Variants in KIF3A observed in about 807,000 individuals in gnomAD.
KIF3A encodes kinesin family member 3A.
KIF3A carries 27 observed loss-of-function variants against 92.6 expected under a neutral mutation model. That is an observed-to-expected ratio of 0.29 (90% CI 0.21 to 0.40). The LOEUF is 0.40. Ranked by LOEUF, KIF3A falls within the 10% of genes least tolerant of loss-of-function variation. The pLI, the probability that KIF3A is intolerant of heterozygous loss-of-function variation, is 1.00. For synonymous variants in KIF3A, 250 were observed against 275.4 expected, an observed-to-expected ratio of 0.91 and a Z score of 0.92; for missense variants, 581 against 872.6, an observed-to-expected ratio of 0.67 and a Z score of 4.21.
chr5:132,705,804 T>G (rs1249600011), intron 11 of KIF3A, among the ~76,000 whole-genome samples: 1 of 152,090 alleles, frequency 6.6e-6, no homozygotes, highest in Non-Finnish European at 1.5e-5. Flanking sequence ...GTGCTAACTC[T>G]CCTAACCAGG....
At chr5:132,736,494 C>T (rs114945731) in intron 1 of KIF3A, among the ~76,000 whole-genome samples, 2,630 of 152,282 alleles carry the variant, frequency 0.017, 77 homozygotes, top group African/African-American at 0.06. Context: ...GAAGGCAAGC[C>T]TCTCTCTTTC....
chr5:132,710,508 C>T (rs1374446101), intron 9 of KIF3A, among the ~76,000 whole-genome samples: 1 of 152,102 alleles, frequency 6.6e-6, no homozygotes, highest in Non-Finnish European at 1.5e-5. Context: ...CCCAGCTACT[C>T]GGGAGGCTGA....
chr5:132,699,660 G>A (rs1366409836), intron 17 of KIF3A: 5 of 405,692 alleles, frequency 1.2e-5, no homozygotes, highest in African/African-American at 6.4e-5. Context: ...CTGGGTTCAC[G>A]CCATTCTCCT....
chr5:132,737,237 C>T (rs1307974296), intron 1 of KIF3A, among the ~76,000 whole-genome samples, 177 bp downstream of exon 1: 1 of 151,992 alleles, frequency 6.6e-6, no homozygotes, highest in Non-Finnish European at 1.5e-5. Context: ...GCCGGCCGGA[C>T]CCCCGCGGCC....
At chr5:132,713,941 G>A (rs1753523892) in intron 8 of KIF3A, among the ~76,000 whole-genome samples, 1 of 125,496 alleles carries the variant, frequency 8.0e-6, no homozygotes, top group Non-Finnish European at 1.6e-5. Flanking sequence ...CTGCCACCCA[G>A]GCTGGAGTGC....
At chr5:132,708,809 T>C (rs1417794504) in intron 10 of KIF3A, 98 bp downstream of exon 10, 19 of 716,936 alleles carry the variant, frequency 2.7e-5, no homozygotes, top group South Asian at 1.9e-4. Flanking sequence ...ATGTATTCTT[T>C]AGGTAATGAC....
chr5:132,703,164 T>G, intron 12 of KIF3A, 99 bp from the exon 13 acceptor site: 1 of 1,029,704 alleles, frequency 9.7e-7, no homozygotes, highest in Non-Finnish European at 1.4e-6. Flanking sequence ...AATTTCAAAA[T>G]AGAAATATAA....
Position 132,724,806 on chromosome 5 carries a change from A to AAAAAAATTATATATATAT in KIF3A, c.510+1321_510+1322insATATATATATAATTTTTT, listed in dbSNP as rs59476182. 1.3e-4 allele frequency among the ~76,000 whole-genome samples: 3 copies of AAAAAAATTATATATATAT among 22,694 alleles called. 1 individual carries two copies. The highest frequency in any genetic ancestry group is 3.4e-3 in the East Asian group (2 of 582). The allele number at this position is 22,694 out of a possible 152,430, so 14.9% of individuals were successfully genotyped here. On this transcript the variant is annotated intron_variant, in intron 4 of 18. Transcript: ENST00000403231. The stretch of plus-strand genomic sequence containing the variant: ...TTAAAGTATAATAAAAAAAAAAAAA[A>AAAAAAATTATATATATAT]ATATATATATATATATATATATATA...
At chr5:132,712,813 G>GA (rs1210129234) in intron 8 of KIF3A, among the ~76,000 whole-genome samples, 1 of 152,194 alleles carries the variant, frequency 6.6e-6, no homozygotes, top group Non-Finnish European at 1.5e-5. Context: ...TCAAGATCAA[G>GA]AAAGACTGGG....
intron 12 of KIF3A, 86 bp downstream of exon 12, chr5:132,703,373 TTTAA>T: frequency 5.2e-6 from 6 of 1,163,930 alleles, no homozygotes; most frequent in Non-Finnish European, 4.9e-6. Context: ...AATCCAAGCT[TTTAA>T]TTACTATTCA....
rs1226978204 is a variant in KIF3A, at chr5:132,716,326, T to G, written c.873A>C (p.Lys291Asn). ...AGTTACGATAAGGCACATGAGTGCTTTTTCCATCAACCAAGGCAGAAATTA... is the reference window on the plus strand; with the variant it reads ...AGTTACGATAAGGCACATGAGTGCTGTTTCCATCAACCAAGGCAGAAATTA... ...GNVISALVDG[K>N]STHVPYRNSK... Residue 291 changes from lysine (K) to asparagine (N), a missense_variant, in exon 7 of 19, where the codon AAA becomes AAC. Physicochemically the swap from Lys to Asn is moderately conservative, Grantham distance 94. Coordinates refer to ENST00000403231, the MANE Select transcript of KIF3A (RefSeq NM_001300791.2). 1 of 1,614,006 alleles carries G rather than the reference T, an allele frequency of 6.2e-7. No individual in the cohort carries two copies. The highest frequency in any genetic ancestry group is 1.1e-5 in the South Asian group (1 of 91,070).
At chr5:132,723,340 A>T (rs1002154811) in intron 4 of KIF3A, 1 of 152,252 alleles carries the variant, frequency 6.6e-6, no homozygotes, top group Non-Finnish European at 1.5e-5. Flanking sequence ...CCGCATTGCC[A>T]AGTCAATTCT....
chr5:132,699,384 T>C, intron 17 of KIF3A, 89 bp from the exon 18 acceptor site: 2 of 1,329,248 alleles, frequency 1.5e-6, no homozygotes, highest in Non-Finnish European at 2.1e-6. Flanking sequence ...AATAAACTCC[T>C]TGATCAAACC....
At position 132,694,497 on chromosome 5, in the gene KIF3A, T is replaced by A. The variant is rs1271419209; in HGVS notation, c.*2137A>T. The A allele has an allele frequency of 6.6e-6, 1 of 152,358 alleles. No homozygotes were observed. The highest frequency in any genetic ancestry group is 1.5e-5 in the Non-Finnish European group (1 of 68,042). The allele number at this position is 152,358 out of a possible 1,614,324, so 9.4% of individuals were successfully genotyped here. On this transcript the variant is annotated 3_prime_UTR_variant, in exon 19 of 19. Transcript: ENST00000403231. The stretch of plus-strand genomic sequence containing the variant: ...TATAGATTTATTTTTATTATCATGG[T>A]AGGGTGGGATAGAAAAAATATCTAA...
chr5:132,732,504 C>T (rs904679986), intron 2 of KIF3A, among the ~76,000 whole-genome samples: 10 of 152,176 alleles, frequency 6.6e-5, no homozygotes, highest in Non-Finnish European at 1.5e-4. Context: ...TGGCCTAGTG[C>T]AATGGCTCAC....
rs1044341099 is a variant in KIF3A at position 132,706,471 on chromosome 5, A to T, written c.1301-12T>A. ...CCAACCTGCTTGATCTTGCAATAAG[A>T]AGTAGTAAGCAAATCGCAGACAGGA... On this transcript the variant is annotated splice_polypyrimidine_tract_variant and intron_variant, in intron 10 of 18. Coordinates refer to ENST00000403231, the MANE Select transcript of KIF3A (RefSeq NM_001300791.2). The T allele has an allele frequency of 9.1e-6, 14 of 1,541,998 alleles. No individual in the cohort carries two copies. The Admixed American group carries it at 2.8e-4, about 31-fold the overall frequency.
intron 15 of KIF3A, among the ~76,000 whole-genome samples, chr5:132,701,436 T>C (rs1457789159): frequency 2.0e-5 from 3 of 148,008 alleles, no homozygotes; most frequent in African/African-American, 7.5e-5. Context: ...GAAGTGAAGG[T>C]TGCAGGGAGC....
At chr5:132,718,927 CCTAA>C (rs1256239976) in intron 5 of KIF3A, among the ~76,000 whole-genome samples, 1 of 152,196 alleles carries the variant, frequency 6.6e-6, no homozygotes, top group Non-Finnish European at 1.5e-5. Flanking sequence ...CCACACCCAG[CCTAA>C]CTCATTGTTT....
In KIF3A at chr5:132,700,297, A is replaced by T; in HGVS notation, c.1939-13T>A. ...AAGCAACACATTTCTCAAAAAAAGA[A>T]AAGGGAGAGACAGAGAAATGTCTTA... is the stretch of plus-strand genomic sequence containing the variant. On this transcript the variant is annotated splice_polypyrimidine_tract_variant and intron_variant, in intron 16 of 18. Coordinates refer to ENST00000403231, the MANE Select transcript of KIF3A (RefSeq NM_001300791.2). 1 of 1,531,660 alleles carries T rather than the reference A, an allele frequency of 6.5e-7. No homozygotes were observed. 94.9% of individuals were successfully genotyped at this position (1,531,660 alleles called of 1,614,324 possible).
Sources: allele counts gnomAD v4.1 joint callset (sites outside exome capture counted in the v4.1 genomes callset), GRCh38; gene constraint gnomAD v4.1.1; transcripts MANE v1.5; gene names NCBI Gene and HGNC (gene_info 2026-07-23, HGNC 2026-07-21).